The following TRDN variants were observed in gnomAD, a reference collection of about 807,000 sequenced individuals.
TRDN encodes triadin.
A neutral mutation model predicts 149.7 loss-of-function variants in TRDN; 161 were observed. That is an observed-to-expected ratio of 1.08 (90% CI 0.95 to 1.23). The LOEUF (loss-of-function observed/expected upper bound fraction) is 1.23, where lower values mean the gene tolerates loss of function less well. Among genes scored for constraint, TRDN ranks in the 50% most tolerant of loss-of-function variants. TRDN has a pLI of 0.00. For missense variants in TRDN, 896 were observed against 823.5 expected (o/e 1.09, Z -1.08); for synonymous variants, 294 against 250.5 (o/e 1.17, Z -1.64).
intron 2 of TRDN, among the ~76,000 whole-genome samples, chr6:123,551,349 A>G: frequency 6.8e-6 from 1 of 146,374 alleles, no homozygotes. Context: ...AAATACACAC[A>G]CACACACACA....
At chr6:123,452,551 G>A (rs1219607159) in intron 10 of TRDN, among the ~76,000 whole-genome samples, 1 of 151,478 alleles carries the variant, frequency 6.6e-6, no homozygotes, top group Admixed American at 6.6e-5. Flanking sequence ...CCAAGGAGTC[G>A]AAAGACCTCT....
At chr6:123,585,119 G>C (rs1783388207) in intron 1 of TRDN, among the ~76,000 whole-genome samples, 1 of 147,340 alleles carries the variant, frequency 6.8e-6, no homozygotes, top group South Asian at 2.2e-4. Context: ...AGGGAGTAGA[G>C]GTATCTTATA....
At chr6:123,323,338 A>G (rs1454434993) in intron 23 of TRDN, among the ~76,000 whole-genome samples, 1 of 152,142 alleles carries the variant, frequency 6.6e-6, no homozygotes, top group Non-Finnish European at 1.5e-5. Context: ...TTCAGGAAGC[A>G]AGAGCCTCAA....
intron 2 of TRDN, among the ~76,000 whole-genome samples, chr6:123,566,160 T>C (rs1449873037): frequency 6.6e-6 from 1 of 152,230 alleles, no homozygotes; most frequent in African/African-American, 2.4e-5. Flanking sequence ...AGAAGTGTGG[T>C]GTAGGTGAAA....
chr6:123,323,381 T>C (rs9401656), intron 23 of TRDN, among the ~76,000 whole-genome samples: 27,481 of 151,964 alleles, frequency 0.18, 3,497 homozygotes, highest in East Asian at 0.63. Flanking sequence ...CCATAACACA[T>C]AGACACACAC....
intron 24 of TRDN, among the ~76,000 whole-genome samples, chr6:123,301,600 T>C (rs913625420): frequency 1.3e-5 from 2 of 151,472 alleles, no homozygotes; most frequent in Admixed American, 6.6e-5. Flanking sequence ...TAGTTATTTT[T>C]AAATTTTCCA....
At chr6:123,634,154 G>T (rs1227766541) in intron 1 of TRDN, among the ~76,000 whole-genome samples, 1 of 152,016 alleles carries the variant, frequency 6.6e-6, no homozygotes, top group African/African-American at 2.4e-5. Context: ...GCAAGCCCCA[G>T]GCGTGATGGT....
intron 35 of TRDN, 150 bp downstream of exon 35, chr6:123,259,474 G>A (rs1454792985): frequency 5.2e-6 from 3 of 579,196 alleles, no homozygotes; most frequent in Non-Finnish European, 9.3e-6. Context: ...ATGATGAACT[G>A]TAATGTACTA....
intron 9 of TRDN, among the ~76,000 whole-genome samples, chr6:123,493,306 G>A (rs370560954): frequency 8.5e-5 from 13 of 152,180 alleles, no homozygotes; most frequent in African/African-American, 3.1e-4. Context: ...TATTAAGATG[G>A]TCCCTATAAT....
At chr6:123,633,717 G>A (rs560320073) in intron 1 of TRDN, among the ~76,000 whole-genome samples, 9 of 152,042 alleles carry the variant, frequency 5.9e-5, no homozygotes, top group Non-Finnish European at 1.3e-4. Context: ...CTATTACTCT[G>A]TACCTGAAAC....
chr6:123,218,749 C>A lies in TRDN; in HGVS notation c.2051-9G>T. The A allele has an allele frequency of 6.4e-7, 1 of 1,556,988 alleles. No homozygotes were observed. Among genetic ancestry groups the A allele is most frequent in the African/African-American group, 1.4e-5 (1 of 73,514 alleles). On this transcript the variant is annotated splice_polypyrimidine_tract_variant and intron_variant, in intron 40 of 40. Coordinates refer to ENST00000334268, the MANE Select transcript of TRDN (RefSeq NM_006073.4). ...GAAGAAACTGATGGGACCTAAGGAA[C>A]AGAGCATGACAGTTTGTTAAAACAT...
intron 1 of TRDN, among the ~76,000 whole-genome samples, chr6:123,571,462 G>A (rs183792089): frequency 0.011 from 1,697 of 151,838 alleles, 22 homozygotes; most frequent in African/African-American, 0.039. Context: ...GACCCATCTA[G>A]TGAGGTCATC....
chr6:123,316,614 C>T (rs1452068694), intron 23 of TRDN, 119 bp from the exon 24 acceptor site: 2 of 727,140 alleles, frequency 2.8e-6, no homozygotes, highest in African/African-American at 3.6e-5. Flanking sequence ...TGTCTGTTTT[C>T]AATTTCAATT....
At chr6:123,368,735 T>A (rs1446989377) in intron 19 of TRDN, among the ~76,000 whole-genome samples, 2 of 152,170 alleles carry the variant, frequency 1.3e-5, no homozygotes, top group African/African-American at 4.8e-5. Flanking sequence ...TTTTAAAAAT[T>A]ATATTCTTTG....
At chr6:123,437,815 C>T (rs929563940) in intron 12 of TRDN, among the ~76,000 whole-genome samples, 2 of 152,120 alleles carry the variant, frequency 1.3e-5, no homozygotes, top group African/African-American at 4.8e-5. Flanking sequence ...CCATTACAAA[C>T]ATTCCTGCGT....
chr6:123,301,074 T>A lies in TRDN; in HGVS notation c.1510+15383A>T, dbSNP rs187800904. On this transcript the variant is annotated intron_variant, in intron 24 of 40. Transcript: ENST00000334268. ...CTACAAAAATTTCTACTCTAAGGAA[T>A]ATGGAGTCTATTGTCCTGACAGCAT... Among the ~76,000 whole-genome samples, 9 of 152,118 alleles carry A rather than the reference T, an allele frequency of 5.9e-5. No homozygotes were observed. In the East Asian group the frequency reaches 1.7e-3, roughly 29 times the overall value.
chr6:123,582,809 G>C (rs1478190647), intron 1 of TRDN, among the ~76,000 whole-genome samples: 1 of 151,900 alleles, frequency 6.6e-6, no homozygotes, highest in African/African-American at 2.4e-5. Flanking sequence ...AAATTTTGGG[G>C]GATGGTATGG....
intron 4 of TRDN, among the ~76,000 whole-genome samples, chr6:123,545,947 G>A (rs183035839): frequency 1.2e-4 from 18 of 151,986 alleles, no homozygotes. Flanking sequence ...TGAAAAACAT[G>A]GCTTTATAAT....
chr6:123,520,344 G>A (rs927983722), intron 5 of TRDN, among the ~76,000 whole-genome samples: 6 of 152,066 alleles, frequency 3.9e-5, no homozygotes, highest in African/African-American at 1.4e-4. Flanking sequence ...TTTGTCTGTG[G>A]ATAAGAAAAT....
Sources: allele counts gnomAD v4.1 joint callset (sites outside exome capture counted in the v4.1 genomes callset), GRCh38; gene constraint gnomAD v4.1.1; transcripts MANE v1.5; gene names NCBI Gene and HGNC (gene_info 2026-07-23, HGNC 2026-07-21).